Variants in GRIK1 observed in about 807,000 individuals in gnomAD.
The protein encoded by GRIK1 is glutamate receptor ionotropic, kainate 1.
Under a neutral mutation model 105.7 loss-of-function variants are expected in GRIK1, and 69 were observed. The ratio of observed to expected loss-of-function variants is 0.65; its 90% CI spans 0.54 to 0.80. The LOEUF (loss-of-function observed/expected upper bound fraction) is 0.80. Ranked by LOEUF, GRIK1 falls within the 30% of genes least tolerant of loss-of-function variation. GRIK1 has a pLI of 0.00. For synonymous variants in GRIK1, 438 were observed against 431.3 expected, an observed-to-expected ratio of 1.02 and a Z score of -0.19; for missense variants, 1,109 against 1,167.3, an observed-to-expected ratio of 0.95 and a Z score of 0.73.
At chr21:29,699,805 C>A (rs1365834551) in intron 1 of GRIK1, among the ~76,000 whole-genome samples, 2 of 152,012 alleles carry the variant, frequency 1.3e-5, no homozygotes, top group Non-Finnish European at 2.9e-5. Flanking sequence ...AGCACCACCA[C>A]ACCCAGCTAA....
chr21:29,818,695 G>A (rs923429611), intron 1 of GRIK1, among the ~76,000 whole-genome samples: 2 of 152,022 alleles, frequency 1.3e-5, no homozygotes, highest in East Asian at 1.9e-4. Flanking sequence ...AAAGGTCAGC[G>A]TAATACCACT....
At chr21:29,739,688 G>C (rs1166249828) in intron 1 of GRIK1, among the ~76,000 whole-genome samples, 1 of 152,124 alleles carries the variant, frequency 6.6e-6, no homozygotes, top group Non-Finnish European at 1.5e-5. Flanking sequence ...AAATTTTATA[G>C]TGATTTTAAA....
At chr21:29,798,401 A>G (rs140434137) in intron 1 of GRIK1, among the ~76,000 whole-genome samples, 13 of 152,360 alleles carry the variant, frequency 8.5e-5, no homozygotes, top group South Asian at 2.1e-4. Context: ...AAGTAGTGCT[A>G]AGTAGTTTAG....
intron 1 of GRIK1, among the ~76,000 whole-genome samples, chr21:29,844,033 A>T (rs975007051): frequency 6.6e-6 from 1 of 152,156 alleles, no homozygotes; most frequent in Admixed American, 6.5e-5. Flanking sequence ...TGACAGCGTG[A>T]GTTGTACTCA....
rs746398212 is a variant in GRIK1 at position 29,596,384 on chromosome 21, T to G, written c.1251+142A>C. 32 of 768,828 alleles carry G rather than the reference T, an allele frequency of 4.2e-5. No homozygotes were observed. In the Admixed American group the frequency reaches 5.4e-4, roughly 13 times the overall value. 47.6% of individuals were successfully genotyped at this position (768,828 alleles called of 1,614,324 possible). Reference sequence around the variant, plus strand: ...TGAGAGAGATAACATATTCAATCACTCCTCTCTCTTTACATGGAACTTCCC... The same window carrying G: ...TGAGAGAGATAACATATTCAATCACGCCTCTCTCTTTACATGGAACTTCCC... On this transcript the variant is annotated intron_variant, in intron 9 of 17. Transcript: ENST00000327783.
intron 1 of GRIK1, among the ~76,000 whole-genome samples, chr21:29,750,284 C>T (rs935403890): frequency 1.6e-5 from 2 of 126,064 alleles, no homozygotes; most frequent in Admixed American, 9.7e-5. Context: ...TTCCTTCCTT[C>T]CTTGCTGTCT....
chr21:29,547,009 C>A (rs997781469), intron 16 of GRIK1, among the ~76,000 whole-genome samples: 2 of 152,242 alleles, frequency 1.3e-5, no homozygotes, highest in African/African-American at 4.8e-5. Context: ...TAGAGAGAGT[C>A]TTCCTATGAG....
intron 7 of GRIK1, among the ~76,000 whole-genome samples, chr21:29,636,937 A>T (rs1162192272): frequency 6.6e-6 from 1 of 152,210 alleles, no homozygotes; most frequent in East Asian, 1.9e-4. Context: ...TCCACATAGG[A>T]TCACTCCATC....
chr21:29,701,391 G>T (rs2063809811), intron 1 of GRIK1, among the ~76,000 whole-genome samples: 1 of 152,138 alleles, frequency 6.6e-6, no homozygotes, highest in East Asian at 1.9e-4. Context: ...GAGCGTTACA[G>T]CCAGGGGAAA....
intron 3 of GRIK1, among the ~76,000 whole-genome samples, chr21:29,681,952 C>T (rs566021033): frequency 1.3e-5 from 2 of 152,280 alleles, no homozygotes; most frequent in African/African-American, 4.8e-5. Flanking sequence ...GCAATTTATC[C>T]AAAGTTGGGA....
intron 1 of GRIK1, among the ~76,000 whole-genome samples, chr21:29,793,517 C>A (rs971928048): frequency 6.6e-6 from 1 of 151,116 alleles, no homozygotes; most frequent in Non-Finnish European, 1.5e-5. Context: ...CCCCTCTCTG[C>A]CTTTTCCTTC....
At chr21:29,917,698 A>G (rs1415041795) in intron 1 of GRIK1, among the ~76,000 whole-genome samples, 1 of 152,010 alleles carries the variant, frequency 6.6e-6, no homozygotes, top group Non-Finnish European at 1.5e-5. Context: ...GTAAAAACCT[A>G]GGTTCTACCC....
At chr21:29,741,989 A>T (rs1481292270) in intron 1 of GRIK1, among the ~76,000 whole-genome samples, 7 of 152,236 alleles carry the variant, frequency 4.6e-5, no homozygotes, top group African/African-American at 7.2e-5. Flanking sequence ...TTAATCATGG[A>T]GAAGGTACAA....
intron 12 of GRIK1, among the ~76,000 whole-genome samples, chr21:29,585,041 C>G (rs1397940257): frequency 6.6e-6 from 1 of 152,144 alleles, no homozygotes; most frequent in Non-Finnish European, 1.5e-5. Flanking sequence ...TATTTCGTCA[C>G]TATACTGTTT....
intron 1 of GRIK1, among the ~76,000 whole-genome samples, chr21:29,886,120 A>T (rs1465144770): frequency 6.6e-6 from 1 of 152,180 alleles, no homozygotes; most frequent in Non-Finnish European, 1.5e-5. Context: ...AAATGACACA[A>T]GAGTCAAATG....
At chr21:29,634,773 G>T (rs1158858126) in intron 7 of GRIK1, among the ~76,000 whole-genome samples, 1 of 152,140 alleles carries the variant, frequency 6.6e-6, no homozygotes, top group East Asian at 1.9e-4. Context: ...GGGAGGTAGG[G>T]CTTTGCAGGC....
chr21:29,917,566 C>T (rs2071039183), intron 1 of GRIK1, among the ~76,000 whole-genome samples: 1 of 152,134 alleles, frequency 6.6e-6, no homozygotes, highest in African/African-American at 2.4e-5. Context: ...GAAATGTTCT[C>T]TTCTTCAATC....
At chr21:29,801,094 T>A (rs141006667) in intron 1 of GRIK1, among the ~76,000 whole-genome samples, 214 of 152,144 alleles carry the variant, frequency 1.4e-3, no homozygotes, top group African/African-American at 5.0e-3. Context: ...GTTGAGTACC[T>A]TGTTGAAGAC....
At chr21:29,709,311 A>T in intron 1 of GRIK1, among the ~76,000 whole-genome samples, 1 of 133,708 alleles carries the variant, frequency 7.5e-6, no homozygotes, top group Non-Finnish European at 1.5e-5. Context: ...GACAGAGTCT[A>T]GCTCTGTTGC....
Sources: gnomAD v4.1 joint callset for allele counts (sites outside exome capture counted in the v4.1 genomes callset) on GRCh38, gnomAD v4.1.1 for gene constraint, MANE v1.5 for transcripts, NCBI Gene and HGNC (gene_info 2026-07-23, HGNC 2026-07-21) for gene names.